Variants in NFATC3 observed in about 807,000 individuals in gnomAD.
NFATC3 encodes the protein nuclear factor of activated T cells 3.
NFATC3 carries 46 observed loss-of-function variants against 98.6 expected under a neutral mutation model. The observed-to-expected ratio is 0.47, with a 90% confidence interval of 0.37 to 0.60. NFATC3 has a LOEUF of 0.60. Among genes scored for constraint, NFATC3 ranks in the 20% least tolerant of loss-of-function variants. The pLI, the probability that NFATC3 is intolerant of heterozygous loss-of-function variation, is 0.00. For synonymous variants in NFATC3, 512 were observed against 472.2 expected, an observed-to-expected ratio of 1.08 and a Z score of -1.09; for missense variants, 1,256 against 1,295.5, an observed-to-expected ratio of 0.97 and a Z score of 0.47.
At chr16:68,146,528 G>A (rs1224661138) in intron 3 of NFATC3, among the ~76,000 whole-genome samples, 3 of 151,980 alleles carry the variant, frequency 2.0e-5, no homozygotes, top group Non-Finnish European at 2.9e-5. Flanking sequence ...AATGAAGTTT[G>A]TATTATTTTT....
intron 3 of NFATC3, among the ~76,000 whole-genome samples, chr16:68,142,364 A>G (rs752701052): frequency 6.6e-6 from 1 of 152,050 alleles, no homozygotes; most frequent in Non-Finnish European, 1.5e-5. Flanking sequence ...TGAGTTCTTG[A>G]TTTGATTCTT....
intron 9 of NFATC3, among the ~76,000 whole-genome samples, chr16:68,222,072 T>G (rs902184526): frequency 6.6e-6 from 1 of 151,554 alleles, no homozygotes; most frequent in Non-Finnish European, 1.5e-5. Context: ...GGAGGATCAC[T>G]TGAGTCCAGG....
intron 3 of NFATC3, among the ~76,000 whole-genome samples, chr16:68,152,974 C>T (rs1404345690): frequency 6.6e-6 from 1 of 152,092 alleles, no homozygotes; most frequent in African/African-American, 2.4e-5. Flanking sequence ...TCAAGTGCCA[C>T]AAGTATTGCT....
chr16:68,127,663 G>A (rs1009943515), intron 3 of NFATC3, among the ~76,000 whole-genome samples: 23 of 151,048 alleles, frequency 1.5e-4, no homozygotes, highest in Non-Finnish European at 2.8e-4. Context: ...AGTCCAGCCT[G>A]GGGAACAGAA....
chr16:68,166,827 G>A lies in NFATC3; in HGVS notation c.1602-16G>A, dbSNP rs1470723116. ...TTATCAATAAACAAATTAAATTTTT[G>A]TATTTTTCTCTTTAGTATTGATTGT... On this transcript the variant is annotated splice_polypyrimidine_tract_variant and intron_variant, in intron 4 of 9. Coordinates refer to ENST00000346183, the MANE Select transcript of NFATC3 (RefSeq NM_173165.3). 13 of 1,579,638 alleles carry A rather than the reference G, an allele frequency of 8.2e-6. No homozygotes were observed. In the South Asian group the frequency reaches 9.1e-5, roughly 11 times the overall value.
At chr16:68,133,093 CTG>C (rs1455758982) in intron 3 of NFATC3, among the ~76,000 whole-genome samples, 2 of 152,114 alleles carry the variant, frequency 1.3e-5, no homozygotes, top group African/African-American at 2.4e-5. Flanking sequence ...TGGTGAAACC[CTG>C]TGTCTATTAA....
chr16:68,093,341 C>A (rs1598343930), intron 1 of NFATC3, among the ~76,000 whole-genome samples: 2 of 152,110 alleles, frequency 1.3e-5, no homozygotes, highest in Admixed American at 6.6e-5. Context: ...CTAATTCAGT[C>A]CTTCCATTTT....
intron 3 of NFATC3, among the ~76,000 whole-genome samples, chr16:68,137,270 T>C (rs2037472444): frequency 6.6e-6 from 1 of 152,194 alleles, no homozygotes. Flanking sequence ...TTTTATTTTT[T>C]ATTTTTATTT....
intron 3 of NFATC3, among the ~76,000 whole-genome samples, chr16:68,143,934 G>C (rs529611801): frequency 6.6e-6 from 1 of 152,178 alleles, no homozygotes; most frequent in South Asian, 2.1e-4. Context: ...AAGATCTCAG[G>C]CTAAGCAAAG....
rs796463922 is a variant in NFATC3 at position 68,151,187 on chromosome 16, T to TA, written c.1402-6670dup. Among the ~76,000 whole-genome samples, 468 of 143,688 alleles carry TA rather than the reference T, an allele frequency of 3.3e-3. 2 individuals carry two copies. Among genetic ancestry groups the TA allele is most frequent in the Non-Finnish European group, 5.4e-3 (353 of 65,284 alleles). 94.3% of individuals were successfully genotyped at this position (143,688 alleles called of 152,430 possible). On this transcript the variant is annotated intron_variant, in intron 3 of 9. Transcript: ENST00000346183. ...TAAGCAAAACAGTGGGACCCCATCT[T>TA]AAAAAAAAAAAAGTTTCAAAGTGAA...
intron 1 of NFATC3, among the ~76,000 whole-genome samples, chr16:68,086,207 A>G (rs1458223348): frequency 6.6e-6 from 1 of 152,206 alleles, no homozygotes; most frequent in Non-Finnish European, 1.5e-5. Flanking sequence ...TTTCAACGGT[A>G]GGACCCCTCT....
intron 4 of NFATC3, among the ~76,000 whole-genome samples, chr16:68,160,636 A>G (rs2038847427): frequency 6.6e-6 from 1 of 152,142 alleles, no homozygotes; most frequent in South Asian, 2.1e-4. Flanking sequence ...CATAGGGGCT[A>G]TGACAGAGTT....
intron 7 of NFATC3, among the ~76,000 whole-genome samples, chr16:68,182,234 A>G (rs1353348417): frequency 1.3e-5 from 2 of 152,238 alleles, no homozygotes; most frequent in Admixed American, 1.3e-4. Flanking sequence ...GGAATTGTGT[A>G]CTTAACACAT....
intron 6 of NFATC3, among the ~76,000 whole-genome samples, chr16:68,177,473 T>C (rs541101815): frequency 1.4e-4 from 22 of 152,332 alleles, no homozygotes; most frequent in Non-Finnish European, 2.6e-4. Context: ...CTTTTATTCC[T>C]GTTATTTATT....
At chr16:68,198,450 A>G (rs2040763428) in intron 9 of NFATC3, among the ~76,000 whole-genome samples, 1 of 152,208 alleles carries the variant, frequency 6.6e-6, no homozygotes, top group Non-Finnish European at 1.5e-5. Context: ...CAGAATAAAG[A>G]CTAAAACCTG....
intron 9 of NFATC3, chr16:68,221,102 T>C (rs1226474396): frequency 1.4e-6 from 2 of 1,388,090 alleles, no homozygotes; most frequent in Admixed American, 2.0e-5. Flanking sequence ...TCAAGATGAC[T>C]TGAAAAATTA....
chr16:68,172,941 G>A (rs73612208), intron 5 of NFATC3, among the ~76,000 whole-genome samples: 27,938 of 152,110 alleles, frequency 0.18, 2,941 homozygotes, highest in African/African-American at 0.28. Context: ...AGGTGGCACC[G>A]TAAGCACTGT....
At chr16:68,198,765 A>T (rs2040776360) in intron 9 of NFATC3, among the ~76,000 whole-genome samples, 1 of 152,072 alleles carries the variant, frequency 6.6e-6, no homozygotes, top group South Asian at 2.1e-4. Context: ...TTAGCTGAGC[A>T]TAGCTGGGCG....
Position 68,185,640 on chromosome 16 carries a change from C to T in NFATC3, c.2098+2274C>T, listed in dbSNP as rs573787802. Reference sequence around the variant, plus strand: ...CCTGTGGCCCCGCTACTTTGGGAGGCCGAGGTGGGCGGATCATGAGGTCAG... The same window carrying T: ...CCTGTGGCCCCGCTACTTTGGGAGGTCGAGGTGGGCGGATCATGAGGTCAG... On this transcript the variant is annotated intron_variant, in intron 8 of 9. Coordinates refer to ENST00000346183, the MANE Select transcript of NFATC3 (RefSeq NM_173165.3). Among the ~76,000 whole-genome samples, 259 of 152,044 alleles carry T rather than the reference C, an allele frequency of 1.7e-3. 1 individual carries two copies. Among genetic ancestry groups the T allele is most frequent in the Non-Finnish European group, 1.3e-3 (85 of 67,954 alleles).
Sources: allele counts gnomAD v4.1 joint callset (sites outside exome capture counted in the v4.1 genomes callset), GRCh38; gene constraint gnomAD v4.1.1; transcripts MANE v1.5; gene names NCBI Gene and HGNC (gene_info 2026-07-23, HGNC 2026-07-21).